Variants in REV3L observed in about 807,000 individuals in gnomAD.
REV3L encodes the protein REV3 like, DNA directed polymerase zeta catalytic subunit, also known as DNA polymerase zeta catalytic subunit.
In REV3L, 69 loss-of-function variants were observed where a neutral mutation model predicts 299.4. The ratio of observed to expected loss-of-function variants is 0.23; its 90% confidence interval spans 0.19 to 0.28. The LOEUF (loss-of-function observed/expected upper bound fraction) is 0.28. REV3L is among the 10% of genes least tolerant of loss of function. The pLI is 1.00. For synonymous variants in REV3L, 1,238 were observed against 1,271.4 expected, an observed-to-expected ratio of 0.97 and a Z score of 0.56; for missense variants, 3,128 against 3,693.8, an observed-to-expected ratio of 0.85 and a Z score of 3.97.
At chr6:111,465,260 T>C (rs1791313969) in intron 1 of REV3L, among the ~76,000 whole-genome samples, 1 of 151,014 alleles carries the variant, frequency 6.6e-6, no homozygotes, top group Non-Finnish European at 1.5e-5. Flanking sequence ...TTTGTACTTT[T>C]AGTAGAGACG....
At chr6:111,474,988 T>TATACACACACACACAC (rs151075609) in intron 1 of REV3L, among the ~76,000 whole-genome samples, 7 of 145,844 alleles carry the variant, frequency 4.8e-5, no homozygotes, top group East Asian at 2.0e-4. Context: ...TGCCTATATA[T>TATACACACACACACAC]ACACACACAC....
chr6:111,426,561 A>G (rs975324375), intron 1 of REV3L, among the ~76,000 whole-genome samples: 18 of 152,220 alleles, frequency 1.2e-4, no homozygotes, highest in African/African-American at 4.3e-4. Context: ...TAGCAGCCCA[A>G]TAATGGAACA....
rs1381210022 is a variant in REV3L, at chr6:111,369,872, G to C, written c.5760-1844C>G. Among the ~76,000 whole-genome samples, 9 of 148,820 alleles carry C rather than the reference G, an allele frequency of 6.0e-5. No individual in the cohort carries two copies. The East Asian group carries it at 7.9e-4, about 13-fold the overall frequency. On this transcript the variant is annotated intron_variant, in intron 13 of 31. Transcript: ENST00000368802. ...TTTTTTTTTTTGAGACAGTCTTGCT[G>C]TGTCACCAGGCTGGAGTGCAGTGGT...
intron 4 of REV3L, among the ~76,000 whole-genome samples, chr6:111,395,311 T>A (rs1379056269): frequency 1.3e-5 from 2 of 152,242 alleles, no homozygotes; most frequent in Non-Finnish European, 2.9e-5. Flanking sequence ...ATGGCCATTT[T>A]AACAATATTA....
intron 31 of REV3L, among the ~76,000 whole-genome samples, chr6:111,304,764 A>AC (rs1440401315): frequency 2.0e-5 from 3 of 149,564 alleles, no homozygotes; most frequent in African/African-American, 7.4e-5. Context: ...TCCTCTCCTC[A>AC]CCCCCCTTTT....
At chr6:111,365,439 C>T in intron 14 of REV3L, 95 bp from the exon 15 acceptor site, 1 of 567,792 alleles carries the variant, frequency 1.8e-6, no homozygotes, top group South Asian at 2.9e-5. Context: ...TTAAGTACCA[C>T]TTGTGGGTGC....
chr6:111,382,606 T>C (rs1780942769), intron 9 of REV3L, among the ~76,000 whole-genome samples: 1 of 152,190 alleles, frequency 6.6e-6, no homozygotes, highest in Non-Finnish European at 1.5e-5. Context: ...GCAGCCAGCC[T>C]TACTACTATG....
At chr6:111,415,234 A>G (rs1209703106) in intron 2 of REV3L, among the ~76,000 whole-genome samples, 1 of 152,204 alleles carries the variant, frequency 6.6e-6, no homozygotes, top group Non-Finnish European at 1.5e-5. Flanking sequence ...CAGGTGTGTC[A>G]GTCCCAGTCC....
At chr6:111,305,586 C>A (rs1167784292) in intron 31 of REV3L, among the ~76,000 whole-genome samples, 1 of 150,504 alleles carries the variant, frequency 6.6e-6, no homozygotes, top group Non-Finnish European at 1.5e-5. Flanking sequence ...GACCCTACCT[C>A]AAAAATAAAA....
rs368268758 is a variant in REV3L at position 111,373,502 on chromosome 6, T to A, written c.4853A>T (p.Asp1618Val). 6.2e-7 allele frequency: 1 copy of A among 1,613,456 alleles called. No homozygotes were observed. The highest frequency in any genetic ancestry group is 1.7e-5 in the Admixed American group (1 of 59,870). The change falls in exon 13 of 32, where the codon GAT (aspartate) becomes GTT (valine). Residue 1618 changes from aspartate (D) to valine (V), a missense_variant. This residue lies in a region of REV3L where 2,409 missense variants were observed against 2,611.8 expected (regional missense o/e 0.92). Transcript: ENST00000368802. ...ATCTGAAAAAAAGATGGGACTATCA[T>A]CTGATACAGAGTTATCCAACTGGCT... ...NSSQLDNSVS[D>V]DSPIFFSDPG...
chr6:111,350,673 T>C (rs1777489984), intron 19 of REV3L, among the ~76,000 whole-genome samples: 1 of 151,844 alleles, frequency 6.6e-6, no homozygotes, highest in Non-Finnish European at 1.5e-5. Flanking sequence ...AACTCCTGGG[T>C]TCAAGCAATC....
intron 27 of REV3L, 55 bp from the exon 28 acceptor site, chr6:111,313,544 G>A: frequency 6.6e-7 from 1 of 1,512,858 alleles, no homozygotes; most frequent in African/African-American, 1.4e-5. Flanking sequence ...CACCAAGAAT[G>A]TTTTATTTTT....
chr6:111,419,848 CTCTT>C (rs994509126), intron 1 of REV3L, among the ~76,000 whole-genome samples: 1 of 151,630 alleles, frequency 6.6e-6, no homozygotes, highest in Non-Finnish European at 1.5e-5. Context: ...ATTTTGGATT[CTCTT>C]TTTTTTTTTT....
intron 1 of REV3L, among the ~76,000 whole-genome samples, chr6:111,448,718 T>C (rs1355814256): frequency 6.6e-6 from 1 of 151,560 alleles, no homozygotes; most frequent in Admixed American, 6.6e-5. Context: ...CCTCCCAGGA[T>C]TAAATGATCC....
In REV3L at chr6:111,367,256, C is replaced by T; in HGVS notation, c.6532G>A (p.Glu2178Lys). The change falls in exon 14 of 32, where the codon GAG (glutamate) becomes AAG (lysine). Residue 2178 changes from glutamate to lysine, a missense_variant. Glu to Lys is a moderately conservative substitution (Grantham distance 56). Around this residue, in one of 9 missense-constraint regions of REV3L, gnomAD observed 2,409 missense variants for 2,611.8 expected, o/e 0.92. Coordinates refer to ENST00000368802, the MANE Select transcript of REV3L (RefSeq NM_001372078.1). ...IQKSPCSEPQ[E>K]PLVISPINTR... ...TTAATTGGAGATATCACTAGAGGCT[C>T]TTGAGGCTCACTGCAGGGGCTTTTT... 6.2e-7 allele frequency: 1 copy of T among 1,613,978 alleles called. No homozygotes were observed. Among genetic ancestry groups the T allele is most frequent in the East Asian group, 2.2e-5 (1 of 44,872 alleles).
intron 1 of REV3L, chr6:111,430,592 G>A: frequency 1.9e-6 from 3 of 1,550,330 alleles, no homozygotes; most frequent in Non-Finnish European, 2.7e-6. Context: ...CTCAAAAGCA[G>A]GAAGACAGAA....
intron 21 of REV3L, among the ~76,000 whole-genome samples, chr6:111,339,783 C>T (rs958864338): frequency 6.6e-6 from 1 of 152,088 alleles, no homozygotes; most frequent in African/African-American, 2.4e-5. Context: ...AAATCATCAT[C>T]CTTTCTACTT....
chr6:111,460,756 T>A (rs184989795), intron 1 of REV3L, among the ~76,000 whole-genome samples: 51 of 152,238 alleles, frequency 3.4e-4, no homozygotes, highest in Non-Finnish European at 5.9e-4. Context: ...GCAATTGTTC[T>A]AAAAGATAAC....
chr6:111,430,654 G>C (rs1786793591), intron 1 of REV3L: 1 of 1,519,022 alleles, frequency 6.6e-7, no homozygotes, highest in Non-Finnish European at 9.1e-7. Flanking sequence ...AGAAGAGAGA[G>C]GACTCTGGAG....
Sources: allele counts gnomAD v4.1 joint callset (sites outside exome capture counted in the v4.1 genomes callset), GRCh38; gene constraint gnomAD v4.1.1; regional missense constraint gnomAD v4.1.1; transcripts MANE v1.5; gene names NCBI Gene and HGNC (gene_info 2026-07-23, HGNC 2026-07-21).